GLUD1: variants seen among roughly 807,000 people sequenced by gnomAD.
The protein encoded by GLUD1 is glutamate dehydrogenase 1, mitochondrial.
GLUD1 carries 22 observed loss-of-function variants against 56.0 expected under a neutral mutation model. The ratio of observed to expected loss-of-function variants is 0.39; its 90% CI spans 0.28 to 0.56. The LOEUF (loss-of-function observed/expected upper bound fraction) is 0.56, where lower values mean the gene tolerates loss of function less well. Among genes scored for constraint, GLUD1 ranks in the 20% least tolerant of loss-of-function variants. The pLI is 0.58. For missense variants in GLUD1, 451 were observed against 732.0 expected, an observed-to-expected ratio of 0.62 and a Z score of 4.43; for synonymous variants, 223 against 269.9, an observed-to-expected ratio of 0.83 and a Z score of 1.70.
chr10:87,074,888 T>C (rs1341612332), intron 3 of GLUD1, among the ~76,000 whole-genome samples: 1 of 152,186 alleles, frequency 6.6e-6, no homozygotes, highest in Non-Finnish European at 1.5e-5. Flanking sequence ...TTAAGATTAA[T>C]TTAAATATAA....
At chr10:87,084,882 C>A (rs1351148027) in intron 1 of GLUD1, among the ~76,000 whole-genome samples, 1 of 152,120 alleles carries the variant, frequency 6.6e-6, no homozygotes, top group Admixed American at 6.6e-5. Flanking sequence ...ACCTTCTAAC[C>A]CACAATAATG....
chr10:87,050,289 G>A lies in GLUD1; in HGVS notation c.*1462C>T. 6.7e-6 allele frequency among the ~76,000 whole-genome samples: 1 copy of A among 148,744 alleles called. No homozygotes were observed. On this transcript the variant is annotated 3_prime_UTR_variant, in exon 13 of 13. Coordinates refer to ENST00000277865, the MANE Select transcript of GLUD1 (RefSeq NM_005271.5). ...ATCATTTCTATAGTTCGTTACTCGG[G>A]AAGTTTCTCTGAACGTGTAAAGCAC...
intron 11 of GLUD1, among the ~76,000 whole-genome samples, chr10:87,057,234 G>A (rs1000358499): frequency 2.6e-5 from 4 of 152,076 alleles, no homozygotes; most frequent in African/African-American, 7.2e-5. Context: ...TGATCCACCC[G>A]CCTTGACCTC....
In GLUD1 at chr10:87,085,563, G is replaced by GA. The variant is rs1201666076; in HGVS notation, c.445+8761dup. On this transcript the variant is annotated intron_variant, in intron 1 of 12. Coordinates refer to ENST00000277865, the MANE Select transcript of GLUD1 (RefSeq NM_005271.5). ...AAATATAACCTATTGACACATCAAA[G>GA]AAAAAACGGAAGAATACTTTTTTCA... Among the ~76,000 whole-genome samples, 8 of 151,970 alleles carry GA rather than the reference G, an allele frequency of 5.3e-5. No individual in the cohort carries two copies. In the East Asian group the frequency reaches 1.5e-3, roughly 29 times the overall value.
At chr10:87,053,294 TG>T (rs1321686444) in intron 12 of GLUD1, 47 bp downstream of exon 12, 1 of 1,243,170 alleles carries the variant, frequency 8.0e-7, no homozygotes, top group South Asian at 1.2e-5. Context: ...ATGGTTGAGT[TG>T]CACTTCATGT....
chr10:87,061,966 C>T (rs184297596), intron 6 of GLUD1, among the ~76,000 whole-genome samples: 16 of 152,204 alleles, frequency 1.1e-4, no homozygotes, highest in African/African-American at 4.8e-5. Context: ...CTATTTTTAG[C>T]GGAGACCGGG....
intron 1 of GLUD1, among the ~76,000 whole-genome samples, chr10:87,078,786 A>G (rs990769982): frequency 6.6e-6 from 1 of 152,228 alleles, no homozygotes; most frequent in East Asian, 1.9e-4. Context: ...AGCCTCAATT[A>G]GAAGGAATAA....
intron 3 of GLUD1, 135 bp downstream of exon 3, chr10:87,075,833 G>A (rs1458105610): frequency 1.4e-6 from 1 of 710,232 alleles, no homozygotes. Flanking sequence ...AGAACTGCTT[G>A]AACCCGGGAG....
intron 10 of GLUD1, among the ~76,000 whole-genome samples, chr10:87,058,747 C>T (rs924397236): frequency 5.9e-5 from 9 of 152,060 alleles, no homozygotes; most frequent in African/African-American, 1.4e-4. Context: ...AAAAATTAGC[C>T]GGGCGTGGCG....
intron 1 of GLUD1, among the ~76,000 whole-genome samples, chr10:87,081,295 G>T (rs1296538255): frequency 6.9e-6 from 1 of 144,858 alleles, no homozygotes; most frequent in African/African-American, 2.6e-5. Flanking sequence ...CCCTCTGCCC[G>T]GCCAGCCACC....
Position 87,060,836 on chromosome 10 carries a change from T to C in GLUD1, c.1060-11A>G. 2 of 1,614,216 alleles carry C rather than the reference T, an allele frequency of 1.2e-6. No homozygotes were observed. Among genetic ancestry groups the C allele is most frequent in the East Asian group, 2.2e-5 (1 of 44,884 alleles). ...AATGGACCCATGTTGCTGCCATTGATTGAAAATCACAATTAATAGCTGCAC... is the reference window on the plus strand; with the variant it reads ...AATGGACCCATGTTGCTGCCATTGACTGAAAATCACAATTAATAGCTGCAC... On this transcript the variant is annotated splice_polypyrimidine_tract_variant and intron_variant, in intron 7 of 12. Coordinates refer to ENST00000277865, the MANE Select transcript of GLUD1 (RefSeq NM_005271.5).
intron 6 of GLUD1, among the ~76,000 whole-genome samples, chr10:87,061,531 G>T (rs2133797237): frequency 6.6e-6 from 1 of 152,142 alleles, no homozygotes; most frequent in South Asian, 2.1e-4. Flanking sequence ...AAATGGCAGT[G>T]GTGTTAAGTA....
chr10:87,055,052 AC>A lies in GLUD1; in HGVS notation c.1495-1649del, dbSNP rs1182004075. Among the ~76,000 whole-genome samples the A allele has an allele frequency of 2.6e-5, 4 of 152,234 alleles. No individual in the cohort carries two copies. In the East Asian group the frequency reaches 7.7e-4, roughly 29 times the overall value. ...AAAATGTGATGTAATCACTCAGGAG[AC>A]GGGGAGAATGAATGAAACACGGAAA... On this transcript the variant is annotated intron_variant, in intron 11 of 12. Transcript: ENST00000277865.
intron 3 of GLUD1, 48 bp downstream of exon 3, chr10:87,075,920 A>G: frequency 7.6e-7 from 1 of 1,307,742 alleles, no homozygotes; most frequent in Non-Finnish European, 1.1e-6. Flanking sequence ...TCTCAGAAAA[A>G]CAAAAACAAC....
intron 1 of GLUD1, among the ~76,000 whole-genome samples, chr10:87,077,169 C>T (rs1846421831): frequency 6.6e-6 from 1 of 152,106 alleles, no homozygotes; most frequent in Non-Finnish European, 1.5e-5. Context: ...CACCACCATG[C>T]CCAGCTAATT....
chr10:87,062,432 T>C (rs1845960595), intron 6 of GLUD1, among the ~76,000 whole-genome samples: 2 of 152,218 alleles, frequency 1.3e-5, no homozygotes, highest in Admixed American at 6.5e-5. Flanking sequence ...TTGGTTGAAG[T>C]TGGTAACAGT....
At chr10:87,086,192 G>A (rs533721861) in intron 1 of GLUD1, among the ~76,000 whole-genome samples, 18 of 152,292 alleles carry the variant, frequency 1.2e-4, no homozygotes, top group Middle Eastern at 6.8e-3. Context: ...AGAGAAGTAC[G>A]TGCCTGGATT....
Position 87,066,750 on chromosome 10 carries a change from A to AT in GLUD1, c.741+1312dup, listed in dbSNP as rs138076939. On this transcript the variant is annotated intron_variant, in intron 5 of 12. Transcript: ENST00000277865. ...TAGCAATTTATCCCAATTGTAGTGA[A>AT]TACCTTGCTTACACATGGCCCTGCA... is the stretch of plus-strand genomic sequence containing the variant. Among the ~76,000 whole-genome samples, 11 of 152,370 alleles carry AT rather than the reference A, an allele frequency of 7.2e-5. 1 individual carries two copies. In the East Asian group the frequency reaches 1.7e-3, roughly 24 times the overall value.
At chr10:87,090,352 C>A (rs540817344) in intron 1 of GLUD1, among the ~76,000 whole-genome samples, 1 of 152,148 alleles carries the variant, frequency 6.6e-6, no homozygotes. Flanking sequence ...TGCTTAGGAT[C>A]CAATTTTTGA....
Sources: gnomAD v4.1 joint callset for allele counts (sites outside exome capture counted in the v4.1 genomes callset) on GRCh38, gnomAD v4.1.1 for gene constraint, MANE v1.5 for transcripts, NCBI Gene and HGNC (gene_info 2026-07-23, HGNC 2026-07-21) for gene names.